PRSS41: variants seen among roughly 807,000 people sequenced by gnomAD.
The protein encoded by PRSS41 is protease, serine 41.
PRSS41 carries 37 observed loss-of-function variants against 28.8 expected under a neutral mutation model. The ratio of observed to expected loss-of-function variants is 1.29; its 90% CI spans 0.99 to 1.69. The LOEUF (loss-of-function observed/expected upper bound fraction) is 1.69, where lower values mean the gene tolerates loss of function less well. Ranked by LOEUF, PRSS41 falls within the 40% of genes most tolerant of loss-of-function variation. The pLI, the probability that PRSS41 is intolerant of heterozygous loss-of-function variation, is 0.00. For missense variants in PRSS41, 431 were observed against 400.7 expected (o/e 1.08, Z -0.65); for synonymous variants, 195 against 163.1 (o/e 1.20, Z -1.49).
chr16:2,801,629 A>G (rs1211677481), intron 4 of PRSS41, among the ~76,000 whole-genome samples: 2 of 151,220 alleles, frequency 1.3e-5, no homozygotes, highest in Admixed American at 6.6e-5. Flanking sequence ...TGGACACAGC[A>G]CATGTTTCAG....
intron 4 of PRSS41, among the ~76,000 whole-genome samples, chr16:2,803,697 G>T (rs1458924820): frequency 2.0e-5 from 3 of 152,148 alleles, no homozygotes; most frequent in African/African-American, 7.2e-5. Flanking sequence ...ATTTTAACTG[G>T]AAGGATTCCT....
intron 5 of PRSS41, 122 bp downstream of exon 5, chr16:2,804,668 C>T: frequency 9.7e-7 from 1 of 1,029,354 alleles, no homozygotes; most frequent in African/African-American, 1.6e-5. Flanking sequence ...AAAACCAGTG[C>T]AGTCTCAGTT....
chr16:2,805,279 G>C (rs190080680), exon 6 of PRSS41: 1 of 641,794 alleles, frequency 1.6e-6, no homozygotes, highest in African/African-American at 1.8e-5. Context: ...TGTCTCGTTT[G>C]CTAATAAATA....
At chr16:2,798,741 C>G in intron 2 of PRSS41, 79 bp downstream of exon 2, 1 of 1,319,746 alleles carries the variant, frequency 7.6e-7, no homozygotes, top group East Asian at 2.9e-5. Context: ...GCTCTCTGTT[C>G]CAGGTCCCGA....
intron 4 of PRSS41, among the ~76,000 whole-genome samples, chr16:2,802,623 C>T (rs1596309955): frequency 6.6e-6 from 1 of 152,262 alleles, no homozygotes; most frequent in Non-Finnish European, 1.5e-5. Context: ...ACTCCGTCTG[C>T]AATCCCGGCA....
intron 4 of PRSS41, among the ~76,000 whole-genome samples, chr16:2,799,775 C>T (rs1313250953): frequency 6.6e-6 from 1 of 152,262 alleles, no homozygotes; most frequent in African/African-American, 2.4e-5. Context: ...AGTTCTTCCC[C>T]CTTCCAGGGA....
chr16:2,798,918 C>A, intron 2 of PRSS41, 41 bp from the exon 3 acceptor site: 1 of 1,496,642 alleles, frequency 6.7e-7, no homozygotes, highest in Non-Finnish European at 8.9e-7. Context: ...GCCCACCCCA[C>A]CCCACCCGGC....
At chr16:2,798,696 G>T in intron 2 of PRSS41, 34 bp downstream of exon 2, 3 of 1,438,474 alleles carry the variant, frequency 2.1e-6, no homozygotes, top group Non-Finnish European at 2.7e-6. Context: ...GCCAGCCAGG[G>T]CGGCTGGGCC....
exon 4 of PRSS41, chr16:2,799,381 T>C (rs934520660): frequency 6.4e-7 from 1 of 1,552,042 alleles, no homozygotes; most frequent in South Asian, 1.2e-5. Flanking sequence ...CGTTACAAAG[T>C]GCAGGACATC....
At chr16:2,805,142 C>G in exon 6 of PRSS41, 1 of 1,545,280 alleles carries the variant, frequency 6.5e-7, no homozygotes, top group South Asian at 1.2e-5. Context: ...ACTCCTGCAG[C>G]CATTCTGAGT....
At chr16:2,804,500 C>A in exon 5 of PRSS41, 1 of 1,551,456 alleles carries the variant, frequency 6.4e-7, no homozygotes, top group Non-Finnish European at 8.7e-7. Context: ...ATCTGGGATT[C>A]CATGTTTTGT....
rs1157415203 is a variant in PRSS41, at chr16:2,798,553, G to A, written c.64+5G>A. ...GGGCTGGACTCGGGAAGCCGGGTGAGCTCGGGGCGCTACAGGCGGGACCGG... is the reference window on the plus strand; with the variant it reads ...GGGCTGGACTCGGGAAGCCGGGTGAACTCGGGGCGCTACAGGCGGGACCGG... On this transcript the variant is annotated splice_donor_5th_base_variant and intron_variant, in intron 1 of 5. Transcript: ENST00000399677. The A allele has an allele frequency of 2.6e-6, 4 of 1,533,494 alleles. No homozygotes were observed. The highest frequency in any genetic ancestry group is 3.5e-6 in the Non-Finnish European group (4 of 1,141,684). 95.0% of individuals were successfully genotyped at this position (1,533,494 alleles called of 1,614,324 possible).
chr16:2,804,339 G>C (rs2069006521), intron 4 of PRSS41, 50 bp from the exon 5 acceptor site: 5 of 1,538,766 alleles, frequency 3.2e-6, no homozygotes, highest in Non-Finnish European at 4.4e-6. Flanking sequence ...CCCTGCTCCA[G>C]ATAGCAGAGG....
chr16:2,804,986 A>G lies in PRSS41; in HGVS notation c.772A>G (p.Met258Val), dbSNP rs1369377382. Reference sequence around the variant, plus strand: ...TCAGGTTGGAATCGTGAGCTGGGGAATGGACTGCGGTCAACCCAATCGGCC... The same window carrying G: ...TCAGGTTGGAATCGTGAGCTGGGGAGTGGACTGCGGTCAACCCAATCGGCC... Residue 258 changes from methionine to valine, a missense_variant, in exon 6 of 6, where the codon ATG becomes GTG. Met to Val is a conservative substitution (Grantham distance 21). Coordinates refer to ENST00000399677, the Ensembl canonical transcript of PRSS41. 5 of 1,584,730 alleles carry G rather than the reference A, an allele frequency of 3.2e-6. No individual in the cohort carries two copies. The African/African-American group carries it at 6.7e-5, about 21-fold the overall frequency.
intron 1 of PRSS41, 23 bp downstream of exon 1, chr16:2,798,571 G>A (rs2068963148): frequency 6.5e-7 from 1 of 1,527,986 alleles, no homozygotes; most frequent in Non-Finnish European, 8.8e-7. Context: ...CGCTACAGGC[G>A]GGACCGGGGG....
intron 2 of PRSS41, 51 bp from the exon 3 acceptor site, chr16:2,798,908 G>GGGC: frequency 1.8e-5 from 25 of 1,415,370 alleles, no homozygotes; most frequent in African/African-American, 2.9e-5. Flanking sequence ...GGGCGGGCCT[G>GGGC]CCCACCCCAC....
exon 1 of PRSS41, chr16:2,798,510 T>C (rs1281833182): frequency 1.5e-6 from 2 of 1,310,734 alleles, no homozygotes; most frequent in Non-Finnish European, 2.1e-6. Flanking sequence ...GCGCTGCTGC[T>C]GGCGCTGCTG....
rs2068996909 is a variant in PRSS41, at chr16:2,802,616, C to A, written c.542-1773C>A. Among the ~76,000 whole-genome samples, 5 of 152,258 alleles carry A rather than the reference C, an allele frequency of 3.3e-5. No homozygotes were observed. The South Asian group carries it at 1.0e-3, about 31-fold the overall frequency. ...CATTGAGCACTGAGTGAACCAGACT[C>A]CGTCTGCAATCCCGGCACCTCGGGA... On this transcript the variant is annotated intron_variant, in intron 4 of 5. Coordinates refer to ENST00000399677, the Ensembl canonical transcript of PRSS41.
intron 4 of PRSS41, among the ~76,000 whole-genome samples, chr16:2,801,310 A>G (rs1427564246): frequency 2.6e-5 from 4 of 151,822 alleles, no homozygotes; most frequent in African/African-American, 9.7e-5. Context: ...TGTTTTATCA[A>G]TATGTAATGT....
Sources: allele counts gnomAD v4.1 joint callset (sites outside exome capture counted in the v4.1 genomes callset), GRCh38; gene constraint gnomAD v4.1.1; transcripts MANE v1.5; gene names NCBI Gene and HGNC (gene_info 2026-07-23, HGNC 2026-07-21).